Variants in CR2 observed in about 807,000 individuals in gnomAD.
CR2 encodes complement receptor type 2.
CR2 carries 96 observed loss-of-function variants against 123.0 expected under a neutral mutation model. The ratio of observed to expected loss-of-function variants is 0.78; its 90% confidence interval spans 0.66 to 0.93. CR2 has a LOEUF of 0.93. CR2 is among the 40% of genes least tolerant of loss of function. CR2 has a pLI of 0.00. For missense variants in CR2, 1,258 were observed against 1,361.0 expected (o/e 0.92, Z 1.19); for synonymous variants, 484 against 469.5 (o/e 1.03, Z -0.40).
intron 18 of CR2, among the ~76,000 whole-genome samples, chr1:207,482,274 T>C (rs1188611044): frequency 6.6e-6 from 1 of 152,188 alleles, no homozygotes; most frequent in Non-Finnish European, 1.5e-5. Flanking sequence ...AATATGCTTG[T>C]TGTAGCAAAT....
rs1657825687 is a variant in CR2 at position 207,456,021 on chromosome 1, AGTGACCTATAGGTCACTTTCC to A, written c.58+1546_58+1566del. 3.3e-5 allele frequency among the ~76,000 whole-genome samples: 5 copies of A among 152,256 alleles called. No individual in the cohort carries two copies. In the South Asian group the frequency reaches 8.3e-4, roughly 25 times the overall value. On this transcript the variant is annotated intron_variant, in intron 1 of 19. Transcript: ENST00000367057. ...GTTCTTATGATTGGAAAGGTTAAAG[AGTGACCTATAGGTCACTTTCC>A]AATTATGAAAACAAAAAATTAAGAA...
At chr1:207,485,338 TA>T (rs1558199207) in intron 18 of CR2, 125 bp from the exon 19 acceptor site, 1 of 680,500 alleles carries the variant, frequency 1.5e-6, no homozygotes, top group Non-Finnish European at 2.7e-6. Context: ...AAGTATAATT[TA>T]AAAAAATGAA....
Position 207,454,406 on chromosome 1 carries a change from C to A in CR2, c.-13C>A. 1.9e-6 allele frequency: 3 copies of A among 1,576,014 alleles called. No individual in the cohort carries two copies. The highest frequency in any genetic ancestry group is 1.8e-5 in the Admixed American group (1 of 56,310). ...CTCGGAACGCATCCCGCCGCGGGGG[C>A]TTCGGCCGTGGCATGGGCGCCGCGG... On this transcript the variant is annotated 5_prime_UTR_variant, in exon 1 of 20. Coordinates refer to ENST00000367057, the MANE Select transcript of CR2 (RefSeq NM_001006658.3). The surrounding 1 kb of genome is among the most constrained non-coding windows in gnomAD (Gnocchi z 4.3).
intron 16 of CR2, among the ~76,000 whole-genome samples, chr1:207,478,490 C>T (rs9429778): frequency 1.2e-4 from 16 of 138,398 alleles, no homozygotes; most frequent in Non-Finnish European, 2.0e-4. Context: ...ATTGCACCAC[C>T]GCACTCTAGC....
In CR2 at chr1:207,470,063, C is replaced by T; in HGVS notation, c.1186C>T (p.Gln396Ter). 1 of 1,613,876 alleles carries T rather than the reference C, an allele frequency of 6.2e-7. No homozygotes were observed. Among genetic ancestry groups the T allele is most frequent in the Non-Finnish European group, 8.5e-7 (1 of 1,179,878 alleles). Residue 396 changes from glutamine (Q) to a stop codon, truncating the protein, a stop_gained, in exon 6 of 20, where the codon CAA becomes TAA. Transcript: ENST00000367057. LOFTEE classifies it high-confidence loss of function. ...CAGCAAGCAAATCCGATGCAATGCC[C>T]AAGGCACATGGGAGCCATCTGCACC... is the stretch of plus-strand genomic sequence containing the variant. ...KGSKQIRCNA[Q>*]GTWEPSAPVC...
In CR2 at chr1:207,454,833, G is replaced by C. The variant is rs1420458684; in HGVS notation, c.58+357G>C. On this transcript the variant is annotated intron_variant, in intron 1 of 19. Transcript: ENST00000367057. The surrounding 1 kb of genome is among the most constrained non-coding windows in gnomAD (Gnocchi z 4.3). Reference sequence around the variant, plus strand: ...TGGCCGGCGGTCAGCGCTACCGCTCGCCACGGGAAACCTACCCACTGCATG... The same window carrying C: ...TGGCCGGCGGTCAGCGCTACCGCTCCCCACGGGAAACCTACCCACTGCATG... 2 of 247,530 alleles carry C rather than the reference G, an allele frequency of 8.1e-6. No individual in the cohort carries two copies. The highest frequency in any genetic ancestry group is 1.6e-5 in the Non-Finnish European group (2 of 127,800). 15.3% of individuals were successfully genotyped at this position (247,530 alleles called of 1,614,324 possible).
chr1:207,488,945 T>C (rs560156699), intron 19 of CR2, among the ~76,000 whole-genome samples, 197 bp from the exon 20 acceptor site: 193 of 152,352 alleles, frequency 1.3e-3, no homozygotes, highest in African/African-American at 4.4e-3. Flanking sequence ...TGAATGTATA[T>C]AAAATGTAGT....
At chr1:207,470,215 A>G (rs1025926428) in intron 6 of CR2, 113 bp downstream of exon 6, 2 of 1,139,422 alleles carry the variant, frequency 1.8e-6, no homozygotes, top group African/African-American at 1.5e-5. Context: ...CCTCAAATCT[A>G]CTACATCTAA....
At position 207,454,608 on chromosome 1, in the gene CR2, G is replaced by C. The variant is rs2102292337; in HGVS notation, c.58+132G>C. ...CTCGACGCGTGTCCGCCTCCCGCTA[G>C]CTTTGAGGGACCACTGCAATAAACC... On this transcript the variant is annotated intron_variant, in intron 1 of 19. Transcript: ENST00000367057. This position sits in a 1 kb window ranked among gnomAD's most constrained non-coding sequence, Gnocchi z 4.3. The C allele has an allele frequency of 1.4e-6, 1 of 703,650 alleles. No homozygotes were observed. Among genetic ancestry groups the C allele is most frequent in the Non-Finnish European group, 2.3e-6 (1 of 435,494 alleles). The allele number at this position is 703,650 out of a possible 1,614,324, so 43.6% of individuals were successfully genotyped here. A position where few individuals can be genotyped will look rare whatever the true frequency, so the allele number is the denominator to read the frequency against.
chr1:207,477,153 T>A (rs150797291), intron 15 of CR2, among the ~76,000 whole-genome samples: 5 of 152,204 alleles, frequency 3.3e-5, no homozygotes, highest in Non-Finnish European at 5.9e-5. Flanking sequence ...ACTGGGTAAT[T>A]TATAAAGGAA....
At chr1:207,470,126 AG>A in intron 6 of CR2, 24 bp downstream of exon 6, 1 of 1,612,488 alleles carries the variant, frequency 6.2e-7, no homozygotes, top group Non-Finnish European at 8.5e-7. Context: ...TACTCAGAAA[AG>A]GTGCTTCTGA....
chr1:207,468,252 A>G (rs1306650264), intron 2 of CR2: 1 of 484,574 alleles, frequency 2.1e-6, no homozygotes, highest in African/African-American at 2.0e-5. Flanking sequence ...AAGCTTGTCC[A>G]ACTCGCTACC....
chr1:207,462,462 A>T lies in CR2; in HGVS notation c.59-4064A>T, dbSNP rs567378614. Reference sequence around the variant, plus strand: ...TGAGGAATGGTAGTTGATTAAATGGATTGGAGCTTACTTGTAAAAAAATAT... The same window carrying T: ...TGAGGAATGGTAGTTGATTAAATGGTTTGGAGCTTACTTGTAAAAAAATAT... On this transcript the variant is annotated intron_variant, in intron 1 of 19. Transcript: ENST00000367057. Among the ~76,000 whole-genome samples the T allele has an allele frequency of 2.4e-4, 36 of 152,280 alleles. No homozygotes were observed. In the South Asian group the frequency reaches 7.0e-3, roughly 30 times the overall value.
intron 2 of CR2, among the ~76,000 whole-genome samples, chr1:207,467,229 G>A (rs1331285649): frequency 6.6e-6 from 1 of 152,120 alleles, no homozygotes; most frequent in Non-Finnish European, 1.5e-5. Flanking sequence ...GTTTTCAACT[G>A]TATATCTGTG....
At chr1:207,474,136 A>G in intron 12 of CR2, 105 bp from the exon 13 acceptor site, 2 of 1,055,618 alleles carry the variant, frequency 1.9e-6, no homozygotes, top group Non-Finnish European at 2.9e-6. Flanking sequence ...CTAGAATTTC[A>G]ACTCCTCTCT....
At position 207,468,715 on chromosome 1, in the gene CR2, G is replaced by A; in HGVS notation, c.634G>A (p.Glu212Lys). 6.2e-7 allele frequency: 1 copy of A among 1,613,924 alleles called. No homozygotes were observed. Among genetic ancestry groups the A allele is most frequent in the African/African-American group, 1.3e-5 (1 of 74,978 alleles). The part of the protein sequence containing the change: ...KWSAVPPTCE[E>K]ARCKSLGRFP... ...GAGTGCTGTCCCCCCCACATGTGAA[G>A]GTACCCTAAATTTACAATCTATTTT... The change falls in exon 3 of 20, where the codon GAG (glutamate) becomes AAG (lysine). Residue 212 changes from glutamate to lysine, a missense_variant and splice_region_variant. Transcript: ENST00000367057.
chr1:207,474,706 T>G, intron 13 of CR2, 118 bp from the exon 14 acceptor site: 1 of 1,142,218 alleles, frequency 8.8e-7, no homozygotes, highest in South Asian at 1.3e-5. Context: ...TTCCAAAATT[T>G]AAGTTATTTT....
chr1:207,460,195 G>A (rs555642663), intron 1 of CR2, among the ~76,000 whole-genome samples: 2 of 152,270 alleles, frequency 1.3e-5, no homozygotes, highest in East Asian at 1.9e-4. Context: ...CTTCATTGAG[G>A]TCAAACCCTG....
chr1:207,475,561 G>A (rs1207435014), intron 14 of CR2, among the ~76,000 whole-genome samples: 1 of 152,152 alleles, frequency 6.6e-6, no homozygotes, highest in Non-Finnish European at 1.5e-5. Context: ...TGATATTTAA[G>A]GCTATGTTGC....
Sources: allele counts gnomAD v4.1 joint callset (sites outside exome capture counted in the v4.1 genomes callset), GRCh38; gene constraint gnomAD v4.1.1; non-coding constraint Gnocchi (gnomAD v3.1); transcripts MANE v1.5; gene names NCBI Gene and HGNC (gene_info 2026-07-23, HGNC 2026-07-21).